Variants in PTGR2 observed in about 807,000 individuals in gnomAD.
PTGR2 encodes prostaglandin reductase 2.
PTGR2 carries 32 observed loss-of-function variants against 43.4 expected under a neutral mutation model. The ratio of observed to expected loss-of-function variants is 0.74; its 90% CI spans 0.56 to 0.99. PTGR2 has a LOEUF of 0.99. Among genes scored for constraint, PTGR2 ranks in the 50% least tolerant of loss-of-function variants. The pLI is 0.00. For synonymous variants in PTGR2, 106 were observed against 139.2 expected, an observed-to-expected ratio of 0.76 and a Z score of 1.68; for missense variants, 373 against 420.0, an observed-to-expected ratio of 0.89 and a Z score of 0.98.
chr14:73,877,304 C>T, intron 5 of PTGR2, 136 bp downstream of exon 5: 2 of 803,458 alleles, frequency 2.5e-6, no homozygotes, highest in Non-Finnish European at 3.7e-6. Context: ...GAGACAGAGT[C>T]TCCAGGCTGG....
In PTGR2 at chr14:73,884,237, G is replaced by A; in HGVS notation, c.*60G>A. ...CTTTTCCATTTTGCATATTTTCAAAGATATGTTAAAAAATCCTTAGACTAT... is the reference window on the plus strand; with the variant it reads ...CTTTTCCATTTTGCATATTTTCAAAAATATGTTAAAAAATCCTTAGACTAT... On this transcript the variant is annotated 3_prime_UTR_variant, in exon 10 of 10. Coordinates refer to ENST00000555661, the MANE Select transcript of PTGR2 (RefSeq NM_001146154.2). 8.9e-7 allele frequency: 1 copy of A among 1,119,482 alleles called. No individual in the cohort carries two copies. The highest frequency in any genetic ancestry group is 1.9e-5 in the Admixed American group (1 of 51,918). The allele number at this position is 1,119,482 out of a possible 1,614,324, so 69.3% of individuals were successfully genotyped here. A position where few individuals can be genotyped will look rare whatever the true frequency, so the allele number is the denominator to read the frequency against.
chr14:73,883,179 C>A (rs1049548976), intron 9 of PTGR2, among the ~76,000 whole-genome samples: 3 of 129,262 alleles, frequency 2.3e-5, no homozygotes, highest in African/African-American at 9.0e-5. Flanking sequence ...CTTCCCTCCC[C>A]TCACCTCCCT....
At position 73,879,295 on chromosome 14, in the gene PTGR2, T is replaced by G; in HGVS notation, c.719T>G (p.Val240Gly). The stretch of plus-strand genomic sequence containing the variant: ...GTTGGTGGTAACATCAGTGATACAG[T>G]GATAAGTCAGGTTGTTTGCTGATTT... ...DNVGGNISDT[V>G]ISQMNENSHI... Residue 240 changes from valine (V) to glycine (G), a missense_variant, in exon 6 of 10, where the codon GTG becomes GGG. Physicochemically the swap from Val to Gly is moderately radical, Grantham distance 109. Coordinates refer to ENST00000555661, the MANE Select transcript of PTGR2 (RefSeq NM_001146154.2). 1 of 1,613,718 alleles carries G rather than the reference T, an allele frequency of 6.2e-7. No individual in the cohort carries two copies. Among genetic ancestry groups the G allele is most frequent in the Non-Finnish European group, 8.5e-7 (1 of 1,179,686 alleles).
chr14:73,881,807 G>A (rs1163160318), intron 8 of PTGR2, among the ~76,000 whole-genome samples: 2 of 115,870 alleles, frequency 1.7e-5, no homozygotes, highest in East Asian at 2.5e-4. Flanking sequence ...TTTTTGAGAC[G>A]GAGTCTCACT....
intron 2 of PTGR2, among the ~76,000 whole-genome samples, chr14:73,859,649 A>G (rs1309153288): frequency 2.0e-5 from 3 of 151,506 alleles, no homozygotes; most frequent in African/African-American, 7.3e-5. Flanking sequence ...CATGCCTCAA[A>G]TTTTTTAATT....
At chr14:73,873,728 T>G (rs1402481168) in intron 3 of PTGR2, among the ~76,000 whole-genome samples, 6 of 152,136 alleles carry the variant, frequency 3.9e-5, no homozygotes, top group Non-Finnish European at 2.9e-5. Flanking sequence ...CCTCCCAAAG[T>G]GCTAGGATTA....
intron 1 of PTGR2, among the ~76,000 whole-genome samples, chr14:73,854,799 T>C (rs1024877095): frequency 2.6e-5 from 4 of 152,332 alleles, no homozygotes; most frequent in African/African-American, 9.6e-5. Flanking sequence ...TTAAAACATA[T>C]GTAGCCCTAC....
intron 3 of PTGR2, chr14:73,861,565 G>A (rs147492812): frequency 3.5e-4 from 53 of 152,242 alleles, no homozygotes; most frequent in African/African-American, 1.3e-3. Context: ...GTGAGACCCA[G>A]TCTCAACAAA....
At chr14:73,852,699 G>A (rs2054257578) in intron 1 of PTGR2, among the ~76,000 whole-genome samples, 1 of 152,194 alleles carries the variant, frequency 6.6e-6, no homozygotes, top group Non-Finnish European at 1.5e-5. Context: ...AGGGCTCAGG[G>A]AGGTCACTGA....
At chr14:73,875,324 A>G (rs1884571521) in intron 4 of PTGR2, among the ~76,000 whole-genome samples, 1 of 151,142 alleles carries the variant, frequency 6.6e-6, no homozygotes. Flanking sequence ...AGCATTAGTA[A>G]TGAGAACTGT....
rs527804172 is a variant in PTGR2 at position 73,859,805 on chromosome 14, T to C, written c.38-734T>C. ...TCTCTAAAAAAAAAAAAGAAATACA[T>C]ACTGAGTCATTTCTATAGTTACAGA... On this transcript the variant is annotated intron_variant, in intron 2 of 9. Transcript: ENST00000555661. 2.6e-3 allele frequency among the ~76,000 whole-genome samples: 399 copies of C among 150,958 alleles called. 5 individuals carry two copies. Among genetic ancestry groups the C allele is most frequent in the African/African-American group, 9.2e-3 (380 of 41,142 alleles).
intron 7 of PTGR2, 145 bp from the exon 8 acceptor site, chr14:73,881,060 A>G (rs568992029): frequency 3.8e-6 from 2 of 522,696 alleles, no homozygotes; most frequent in Admixed American, 3.1e-5. Context: ...ACCTGTAACT[A>G]TGCATAAAAC....
rs111529914 is a variant in PTGR2, at chr14:73,884,286, A to G, written c.*109A>G. 1 of 662,262 alleles carries G rather than the reference A, an allele frequency of 1.5e-6. No individual in the cohort carries two copies. The allele number at this position is 662,262 out of a possible 1,614,324, so 41.0% of individuals were successfully genotyped here. On this transcript the variant is annotated 3_prime_UTR_variant, in exon 10 of 10. Coordinates refer to ENST00000555661, the MANE Select transcript of PTGR2 (RefSeq NM_001146154.2). Reference sequence around the variant, plus strand: ...ATACATAGCTCTTGATTTAAATGTGATCATAGGTGTTATTTTTAGTTGCAT... The same window carrying G: ...ATACATAGCTCTTGATTTAAATGTGGTCATAGGTGTTATTTTTAGTTGCAT...
Position 73,881,225 on chromosome 14 carries a change from A to G in PTGR2, c.872A>G (p.Asn291Ser), listed in dbSNP as rs2054980173. Residue 291 changes from asparagine (N) to serine (S), a missense_variant, in exon 8 of 10, where the codon AAT (asparagine) becomes AGT (serine). Transcript: ENST00000555661. ...NITRERFLVL[N>S]YKDKFEPGIL... ...TGCAGGGAAAGATTTCTGGTATTAA[A>G]TTATAAAGACAAATTTGAGCCTGGC... 6.2e-7 allele frequency: 1 copy of G among 1,608,306 alleles called. No homozygotes were observed. Among genetic ancestry groups the G allele is most frequent in the Admixed American group, 1.7e-5 (1 of 59,976 alleles).
chr14:73,858,800 AT>A lies in PTGR2; in HGVS notation c.-47-9del. On this transcript the variant is annotated splice_polypyrimidine_tract_variant and intron_variant, in intron 1 of 9. Coordinates refer to ENST00000555661, the MANE Select transcript of PTGR2 (RefSeq NM_001146154.2). ...ATACTTCAAATCTTGTGATTTAAAAATTTTTTTATTTATAGGAGTATTTTAT... is the reference window on the plus strand; with the variant it reads ...ATACTTCAAATCTTGTGATTTAAAAATTTTTTATTTATAGGAGTATTTTAT... 4.5e-6 allele frequency: 6 copies of A among 1,328,714 alleles called. No individual in the cohort carries two copies. The highest frequency in any genetic ancestry group is 1.5e-5 in the African/African-American group (1 of 66,814). The allele number at this position is 1,328,714 out of a possible 1,614,324, so 82.3% of individuals were successfully genotyped here. A position where few individuals can be genotyped will look rare whatever the true frequency, so the allele number is the denominator to read the frequency against.
intron 7 of PTGR2, among the ~76,000 whole-genome samples, chr14:73,880,817 G>T (rs371677758): frequency 6.6e-6 from 1 of 152,078 alleles, no homozygotes; most frequent in Admixed American, 6.6e-5. Flanking sequence ...TATTATTTGA[G>T]ATGGAGTCTC....
At chr14:73,856,819 G>C (rs563272794) in intron 1 of PTGR2, among the ~76,000 whole-genome samples, 70 of 152,308 alleles carry the variant, frequency 4.6e-4, no homozygotes, top group African/African-American at 1.6e-3. Flanking sequence ...TAGTCAAGCT[G>C]TACAAAGCAC....
At position 73,862,676 on chromosome 14, in the gene PTGR2, G is replaced by A. The variant is rs528988691; in HGVS notation, c.156+2019G>A. On this transcript the variant is annotated intron_variant, in intron 3 of 9. Coordinates refer to ENST00000555661, the MANE Select transcript of PTGR2 (RefSeq NM_001146154.2). ...TGCAGCTATTAAAGACGTCACTACT[G>A]CGGCAAGCTGAGTGAAGGACTGTGG... 2.6e-5 allele frequency among the ~76,000 whole-genome samples: 4 copies of A among 152,198 alleles called. No homozygotes were observed. In the South Asian group the frequency reaches 8.3e-4, roughly 32 times the overall value.
chr14:73,858,547 C>T lies in PTGR2; in HGVS notation c.-47-269C>T, dbSNP rs1390923339. ...CAGACTGGGCAACAGAGCGAGACTC[C>T]GTCTTTAAAATAAATAAATAAATAA... On this transcript the variant is annotated intron_variant, in intron 1 of 9. Transcript: ENST00000555661. 7 of 249,924 alleles carry T rather than the reference C, an allele frequency of 2.8e-5. No individual in the cohort carries two copies. In the East Asian group the frequency reaches 5.5e-4, roughly 20 times the overall value. The allele number at this position is 249,924 out of a possible 1,614,324, so 15.5% of individuals were successfully genotyped here.
Sources: allele counts gnomAD v4.1 joint callset (sites outside exome capture counted in the v4.1 genomes callset), GRCh38; gene constraint gnomAD v4.1.1; transcripts MANE v1.5; gene names NCBI Gene and HGNC (gene_info 2026-07-23, HGNC 2026-07-21).